FAM168B: variants seen among roughly 807,000 people sequenced by gnomAD.
FAM168B encodes the protein myelin-associated neurite-outgrowth inhibitor.
Under a neutral mutation model 21.8 loss-of-function variants are expected in FAM168B, and 19 were observed. That is an observed-to-expected ratio of 0.87 (90% CI 0.61 to 1.28). The LOEUF is 1.28. Ranked by LOEUF, FAM168B falls within the 50% of genes most tolerant of loss-of-function variation. FAM168B has a pLI of 0.00. For missense variants in FAM168B, 233 were observed against 263.1 expected (o/e 0.89, Z 0.79); for synonymous variants, 126 against 104.8 (o/e 1.20, Z -1.24).
At chr2:131,091,176 T>C (rs1281756801) in intron 1 of FAM168B, among the ~76,000 whole-genome samples, 1 of 151,934 alleles carries the variant, frequency 6.6e-6, no homozygotes, top group South Asian at 2.1e-4. Flanking sequence ...CCATCTCTAC[T>C]AAAAACACAA....
rs1558935850 is a variant in FAM168B at position 131,052,862 on chromosome 2, GGCTAGCCCA to G, written c.*12+20_*12+28del. 1 of 1,546,852 alleles carries G rather than the reference GGCTAGCCCA, an allele frequency of 6.5e-7. No individual in the cohort carries two copies. The highest frequency in any genetic ancestry group is 2.0e-5 in the Admixed American group (1 of 50,682). ...CCCATGGAAATGCCCTTTCATCAAA[GGCTAGCCCA>G]GCCTTCCCTGGTCACTTACATTTGC... On this transcript the variant is annotated intron_variant, in intron 6 of 6. Coordinates refer to ENST00000389915, the MANE Select transcript of FAM168B (RefSeq NM_001009993.4).
Position 131,048,064 on chromosome 2 carries a change from CG to C in FAM168B, c.*4400del, listed in dbSNP as rs1691393309. 1.7e-6 allele frequency: 1 copy of C among 605,468 alleles called. No homozygotes were observed. The highest frequency in any genetic ancestry group is 2.3e-6 in the Non-Finnish European group (1 of 426,262). The allele number at this position is 605,468 out of a possible 1,614,324, so 37.5% of individuals were successfully genotyped here. A position where few individuals can be genotyped will look rare whatever the true frequency, so the allele number is the denominator to read the frequency against. On this transcript the variant is annotated 3_prime_UTR_variant, in exon 7 of 7. Transcript: ENST00000389915. ...GAAATTCCATTCCTTGGCATGGATA[CG>C]TAAGTTCAATGCAGAGGTGAGGGAT...
intron 3 of FAM168B, among the ~76,000 whole-genome samples, chr2:131,063,127 G>A (rs1692388213): frequency 6.6e-6 from 1 of 151,938 alleles, no homozygotes; most frequent in East Asian, 1.9e-4. Flanking sequence ...GGTGATCACT[G>A]TGAAGTTTCT....
chr2:131,067,778 G>A (rs1246107681), intron 3 of FAM168B, among the ~76,000 whole-genome samples: 1 of 151,924 alleles, frequency 6.6e-6, no homozygotes, highest in African/African-American at 2.4e-5. Context: ...GAGAAAGACA[G>A]AGAAAAAGCA....
chr2:131,069,695 G>A (rs1230002155), intron 3 of FAM168B, among the ~76,000 whole-genome samples: 3 of 151,624 alleles, frequency 2.0e-5, no homozygotes, highest in Non-Finnish European at 2.9e-5. Flanking sequence ...GGGTTTCACC[G>A]CGTTAGCCAG....
chr2:131,063,648 T>C (rs1692415314), intron 3 of FAM168B, among the ~76,000 whole-genome samples: 1 of 152,158 alleles, frequency 6.6e-6, no homozygotes. Context: ...TGGTGGGGTG[T>C]ACCTGTAGTC....
At chr2:131,059,817 C>A (rs888739157) in intron 3 of FAM168B, among the ~76,000 whole-genome samples, 1 of 152,140 alleles carries the variant, frequency 6.6e-6, no homozygotes, top group Non-Finnish European at 1.5e-5. Flanking sequence ...GTGACAATGA[C>A]ACAGTTCTAA....
At position 131,055,659 on chromosome 2, in the gene FAM168B, G is replaced by C; in HGVS notation, c.191C>G (p.Ser64Cys). The C allele has an allele frequency of 6.2e-7, 1 of 1,613,740 alleles. No homozygotes were observed. Among genetic ancestry groups the C allele is most frequent in the Non-Finnish European group, 8.5e-7 (1 of 1,179,842 alleles). ...CGGTGGCACAGCCCCGCTGGTGGGG[G>C]AACAGGACACTTTGTAAGGTGTGCC... ...TPGTPYKVSC[S>C]PTSGAVPPYS... is the part of the protein sequence containing the mutation. The change falls in exon 4 of 7, where the codon TCC becomes TGC. Residue 64 changes from serine to cysteine, a missense_variant. Transcript: ENST00000389915.
chr2:131,056,209 C>T (rs1273537005), intron 3 of FAM168B, among the ~76,000 whole-genome samples: 1 of 152,160 alleles, frequency 6.6e-6, no homozygotes, highest in Non-Finnish European at 1.5e-5. Flanking sequence ...TGGCTAAGCA[C>T]TCTATGGTAA....
intron 3 of FAM168B, among the ~76,000 whole-genome samples, chr2:131,065,197 C>G (rs952551655): frequency 1.3e-5 from 2 of 152,090 alleles, no homozygotes; most frequent in African/African-American, 4.8e-5. Flanking sequence ...ACGGAAGGCA[C>G]GAGCAAAAGC....
Position 131,052,455 on chromosome 2 carries a change from G to A in FAM168B, c.*13-3C>T. The stretch of plus-strand genomic sequence containing the variant: ...ACTGCACAGCTCCGTCCTCAAACCT[G>A]CAGAAAGGAAGACAGACACTCAGTC... On this transcript the variant is annotated splice_region_variant and splice_polypyrimidine_tract_variant and intron_variant, in intron 6 of 6. Transcript: ENST00000389915. 1 of 996,518 alleles carries A rather than the reference G, an allele frequency of 1.0e-6. No homozygotes were observed. Among genetic ancestry groups the A allele is most frequent in the Non-Finnish European group, 1.2e-6 (1 of 836,138 alleles). 61.7% of individuals were successfully genotyped at this position (996,518 alleles called of 1,614,324 possible). A position where few individuals can be genotyped will look rare whatever the true frequency, so the allele number is the denominator to read the frequency against.
At chr2:131,092,066 T>C (rs1192004880) in intron 1 of FAM168B, among the ~76,000 whole-genome samples, 1 of 146,926 alleles carries the variant, frequency 6.8e-6, no homozygotes, top group Non-Finnish European at 1.5e-5. Flanking sequence ...CTGACGTGAA[T>C]CCGGGAGGCG....
chr2:131,077,739 A>C (rs1052589483), intron 2 of FAM168B, among the ~76,000 whole-genome samples: 53 of 152,192 alleles, frequency 3.5e-4, no homozygotes, highest in African/African-American at 1.0e-3. Context: ...TGTAGTGATA[A>C]AATTGGACCT....
intron 2 of FAM168B, 115 bp from the exon 3 acceptor site, chr2:131,072,053 G>T: frequency 1.2e-6 from 1 of 832,048 alleles, no homozygotes; most frequent in Non-Finnish European, 2.0e-6. Context: ...GACTTAAGCA[G>T]CCCCAAGAGC....
intron 5 of FAM168B, among the ~76,000 whole-genome samples, chr2:131,053,932 A>C (rs1055738392): frequency 1.1e-4 from 16 of 152,150 alleles, no homozygotes; most frequent in Non-Finnish European, 2.2e-4. Context: ...GGCTGGCAAC[A>C]GTGACTCACG....
At chr2:131,072,452 T>C (rs1156491193) in intron 2 of FAM168B, among the ~76,000 whole-genome samples, 14 of 151,412 alleles carry the variant, frequency 9.2e-5, no homozygotes, top group Non-Finnish European at 1.6e-4. Context: ...AGGTAACAAT[T>C]ATATATTTTA....
intron 1 of FAM168B, among the ~76,000 whole-genome samples, chr2:131,090,151 C>CAAAAA (rs59428455): frequency 8.4e-6 from 1 of 119,126 alleles, no homozygotes; most frequent in Non-Finnish European, 1.7e-5. Context: ...ACCAAAAATA[C>CAAAAA]AAAAAAAAAA....
At chr2:131,084,530 A>C (rs1406033816) in intron 1 of FAM168B, among the ~76,000 whole-genome samples, 2 of 151,838 alleles carry the variant, frequency 1.3e-5, no homozygotes, top group African/African-American at 2.4e-5. Flanking sequence ...AAACTTGTTA[A>C]GTTTTTTTTC....
Position 131,048,739 on chromosome 2 carries a change from A to G in FAM168B, c.*3726T>C, listed in dbSNP as rs1465355260. 1.0e-6 allele frequency: 1 copy of G among 987,252 alleles called. No individual in the cohort carries two copies. Among genetic ancestry groups the G allele is most frequent in the Non-Finnish European group, 1.2e-6 (1 of 830,946 alleles). The allele number at this position is 987,252 out of a possible 1,614,324, so 61.2% of individuals were successfully genotyped here. A position where few individuals can be genotyped will look rare whatever the true frequency, so the allele number is the denominator to read the frequency against. On this transcript the variant is annotated 3_prime_UTR_variant, in exon 7 of 7. Transcript: ENST00000389915. The stretch of plus-strand genomic sequence containing the variant: ...TGCAGAGGTACTAGAGGGGAGAAAT[A>G]CGTGCTCTGCCTTCCCCCAGGCCAA...
Sources: allele counts gnomAD v4.1 joint callset (sites outside exome capture counted in the v4.1 genomes callset), GRCh38; gene constraint gnomAD v4.1.1; transcripts MANE v1.5; gene names NCBI Gene and HGNC (gene_info 2026-07-23, HGNC 2026-07-21).